Variants in ARHGAP15 observed in about 807,000 individuals in gnomAD.
The protein encoded by ARHGAP15 is rho GTPase-activating protein 15.
ARHGAP15 carries 51 observed loss-of-function variants against 63.7 expected under a neutral mutation model. The ratio of observed to expected loss-of-function variants is 0.80; its 90% confidence interval spans 0.64 to 1.01. ARHGAP15 has a LOEUF of 1.01. Ranked by LOEUF, ARHGAP15 falls within the 50% of genes least tolerant of loss-of-function variation. The probability of loss-of-function intolerance (pLI) is 0.00; values close to 1 mark genes in which losing one functional copy is unlikely to be tolerated. For missense variants in ARHGAP15, 560 were observed against 564.6 expected (o/e 0.99, Z 0.08); for synonymous variants, 191 against 193.8 (o/e 0.99, Z 0.12).
rs115986082 is a variant in ARHGAP15 at position 143,358,859 on chromosome 2, T to C, written c.475-76742T>C. 2.9e-3 allele frequency among the ~76,000 whole-genome samples: 442 copies of C among 151,864 alleles called. 4 individuals carry two copies. The highest frequency in any genetic ancestry group is 0.01 in the African/African-American group (417 of 41,476). On this transcript the variant is annotated intron_variant, in intron 6 of 13. Coordinates refer to ENST00000295095, the MANE Select transcript of ARHGAP15 (RefSeq NM_018460.4). ...AAATCAGAAAGACAAAATAAAAATA[T>C]TGAGTGGGTAGCCAAATTCTAATCA...
chr2:143,224,218 A>G (rs1361967208), intron 4 of ARHGAP15, among the ~76,000 whole-genome samples: 1 of 152,234 alleles, frequency 6.6e-6, no homozygotes, highest in Non-Finnish European at 1.5e-5. Context: ...ATCCTATATC[A>G]GAAGTGTTCG....
intron 6 of ARHGAP15, among the ~76,000 whole-genome samples, chr2:143,277,751 G>T (rs1357664189): frequency 6.6e-6 from 1 of 152,036 alleles, no homozygotes; most frequent in Non-Finnish European, 1.5e-5. Context: ...CTCTGTCTCT[G>T]CATCCTCCTC....
intron 6 of ARHGAP15, among the ~76,000 whole-genome samples, chr2:143,425,976 A>G (rs1689123527): frequency 1.3e-5 from 2 of 152,176 alleles, no homozygotes; most frequent in African/African-American, 4.8e-5. Flanking sequence ...CCCAAAGTAT[A>G]TAACTTGACA....
At chr2:143,748,912 A>G (rs771179210) in intron 13 of ARHGAP15, among the ~76,000 whole-genome samples, 18 of 152,156 alleles carry the variant, frequency 1.2e-4, no homozygotes, top group Non-Finnish European at 1.6e-4. Flanking sequence ...TCAAGCTTGG[A>G]TGATTTCCCC....
intron 6 of ARHGAP15, among the ~76,000 whole-genome samples, chr2:143,407,302 C>A (rs1688239640): frequency 6.6e-6 from 1 of 151,580 alleles, no homozygotes; most frequent in African/African-American, 2.4e-5. Context: ...GAAAATATAA[C>A]CCATTCATAT....
At chr2:143,491,889 T>A (rs964531586) in intron 9 of ARHGAP15, among the ~76,000 whole-genome samples, 2 of 152,026 alleles carry the variant, frequency 1.3e-5, no homozygotes, top group Non-Finnish European at 2.9e-5. Flanking sequence ...TATTATTATT[T>A]TTATTTTTTG....
At position 143,556,486 on chromosome 2, in the gene ARHGAP15, G is replaced by A; in HGVS notation, c.1003+1G>A. ...AAGTTAAGATTTATTGTCAACCAAG[G>A]TAAGTGATTTCCACTTCAGAGATTT... is the stretch of plus-strand genomic sequence containing the variant. On this transcript the variant is annotated splice_donor_variant, in intron 11 of 13. Coordinates refer to ENST00000295095, the MANE Select transcript of ARHGAP15 (RefSeq NM_018460.4). LOFTEE classifies it high-confidence loss of function. The A allele has an allele frequency of 6.2e-7, 1 of 1,610,078 alleles. No individual in the cohort carries two copies.
At chr2:143,409,647 C>G (rs1284934765) in intron 6 of ARHGAP15, among the ~76,000 whole-genome samples, 1 of 152,002 alleles carries the variant, frequency 6.6e-6, no homozygotes, top group African/African-American at 2.4e-5. Flanking sequence ...GGTGGCAGTT[C>G]CGTAGGAATA....
intron 8 of ARHGAP15, among the ~76,000 whole-genome samples, chr2:143,465,439 T>C (rs1691152268): frequency 1.3e-5 from 2 of 152,184 alleles, no homozygotes; most frequent in Admixed American, 6.6e-5. Context: ...CTGTAATCTT[T>C]ACATTTAAAT....
At chr2:143,479,739 G>T in intron 8 of ARHGAP15, among the ~76,000 whole-genome samples, 1 of 150,968 alleles carries the variant, frequency 6.6e-6, no homozygotes, top group African/African-American at 2.4e-5. Context: ...ATTTTACACT[G>T]TATCTCATTT....
intron 6 of ARHGAP15, among the ~76,000 whole-genome samples, chr2:143,262,568 A>C (rs75993975): frequency 0.086 from 7,629 of 88,254 alleles, 271 homozygotes; most frequent in Non-Finnish European, 0.12. Context: ...TTACTTTGTC[A>C]CGCCCTGTTC....
intron 9 of ARHGAP15, among the ~76,000 whole-genome samples, chr2:143,493,701 C>T (rs913605666): frequency 1.2e-4 from 19 of 152,178 alleles, no homozygotes; most frequent in Admixed American, 6.5e-4. Flanking sequence ...CCAATTTGCA[C>T]TGGTTGCTCT....
chr2:143,570,833 A>G (rs567535428), intron 11 of ARHGAP15, among the ~76,000 whole-genome samples: 14 of 152,240 alleles, frequency 9.2e-5, no homozygotes, highest in African/African-American at 3.4e-4. Context: ...CTTTTTTTTA[A>G]CAGAATAGAA....
At chr2:143,525,260 A>G (rs73007270) in intron 10 of ARHGAP15, among the ~76,000 whole-genome samples, 98 of 152,020 alleles carry the variant, frequency 6.4e-4, no homozygotes, top group African/African-American at 2.1e-3. Flanking sequence ...TTATGATTCT[A>G]TCTTGTTCCA....
At chr2:143,465,057 T>A (rs1028610965) in intron 8 of ARHGAP15, among the ~76,000 whole-genome samples, 1 of 152,172 alleles carries the variant, frequency 6.6e-6, no homozygotes, top group Non-Finnish European at 1.5e-5. Flanking sequence ...CCCATCAGTC[T>A]CTCAAAATGT....
At chr2:143,720,979 T>A (rs937488416) in intron 13 of ARHGAP15, among the ~76,000 whole-genome samples, 2 of 142,576 alleles carry the variant, frequency 1.4e-5, no homozygotes, top group South Asian at 4.4e-4. Context: ...TGAGGCAGAA[T>A]GGTGTGAACC....
At chr2:143,718,888 T>G (rs1473257743) in intron 13 of ARHGAP15, among the ~76,000 whole-genome samples, 1 of 152,250 alleles carries the variant, frequency 6.6e-6, no homozygotes, top group East Asian at 1.9e-4. Context: ...ATCTGGAAGC[T>G]TCCCTTCCCA....
Position 143,704,992 on chromosome 2 carries a change from A to C in ARHGAP15, c.1244+1468A>C, listed in dbSNP as rs574773645. On this transcript the variant is annotated intron_variant, in intron 13 of 13. Coordinates refer to ENST00000295095, the MANE Select transcript of ARHGAP15 (RefSeq NM_018460.4). ...TATCCTTCCTGACCTGTTCCTAAAC[A>C]CATGCAAACATATGTGTGTATGGTT... 9.6e-4 allele frequency among the ~76,000 whole-genome samples: 146 copies of C among 152,334 alleles called. 2 individuals are homozygous for C. Among genetic ancestry groups the C allele is most frequent in the African/African-American group, 3.4e-3 (143 of 41,594 alleles).
intron 6 of ARHGAP15, among the ~76,000 whole-genome samples, chr2:143,265,469 T>C (rs931147571): frequency 6.6e-6 from 1 of 152,190 alleles, no homozygotes; most frequent in Non-Finnish European, 1.5e-5. Flanking sequence ...GAGAAAATTG[T>C]ATTTGACATA....
Sources: allele counts gnomAD v4.1 joint callset (sites outside exome capture counted in the v4.1 genomes callset), GRCh38; gene constraint gnomAD v4.1.1; transcripts MANE v1.5; gene names NCBI Gene and HGNC (gene_info 2026-07-23, HGNC 2026-07-21).